The following MAD1L1 variants were observed in gnomAD, a reference collection of about 807,000 sequenced individuals.
MAD1L1 encodes the protein mitotic arrest deficient 1 like 1, also known as mitotic spindle assembly checkpoint protein MAD1.
In MAD1L1, 95 loss-of-function variants were observed where a neutral mutation model predicts 96.9. The observed-to-expected ratio is 0.98, with a 90% CI of 0.83 to 1.16. MAD1L1 has a LOEUF of 1.16. Among genes scored for constraint, MAD1L1 ranks in the 50% most tolerant of loss-of-function variants. The pLI, the probability that MAD1L1 is intolerant of heterozygous loss-of-function variation, is 0.00. For missense variants in MAD1L1, 1,007 were observed against 954.4 expected (o/e 1.06, Z -0.73); for synonymous variants, 473 against 396.6 (o/e 1.19, Z -2.29).
intron 12 of MAD1L1, among the ~76,000 whole-genome samples, chr7:2,016,065 T>C (rs1782526347): frequency 6.6e-6 from 1 of 152,160 alleles, no homozygotes; most frequent in Admixed American, 6.5e-5. Flanking sequence ...AGTTCCTTTG[T>C]TGATAAGATG....
intron 18 of MAD1L1, among the ~76,000 whole-genome samples, chr7:1,850,859 A>G (rs1783931317): frequency 6.6e-6 from 1 of 152,094 alleles, no homozygotes; most frequent in South Asian, 2.1e-4. Context: ...CCCTCCTGGG[A>G]TGGGGAGTGG....
chr7:1,937,544 C>T (rs1405939325), intron 16 of MAD1L1, among the ~76,000 whole-genome samples: 1 of 152,134 alleles, frequency 6.6e-6, no homozygotes, highest in Non-Finnish European at 1.5e-5. Flanking sequence ...ACCATGCAGC[C>T]CTGCAGCAGG....
intron 10 of MAD1L1, among the ~76,000 whole-genome samples, chr7:2,156,676 C>T (rs1257689511): frequency 6.6e-6 from 1 of 152,002 alleles, no homozygotes; most frequent in East Asian, 1.9e-4. Context: ...AAAAAATTAG[C>T]CGGGTGCAGT....
chr7:1,967,315 AAC>A (rs1780208566), intron 15 of MAD1L1, among the ~76,000 whole-genome samples: 1 of 152,238 alleles, frequency 6.6e-6, no homozygotes, highest in Non-Finnish European at 1.5e-5. Flanking sequence ...CAAGTAACTC[AAC>A]AGAAAGCAGG....
chr7:2,227,787 C>G (rs1349846321), intron 3 of MAD1L1, among the ~76,000 whole-genome samples: 1 of 152,222 alleles, frequency 6.6e-6, no homozygotes, highest in Non-Finnish European at 1.5e-5. Flanking sequence ...CAAGCCTGAG[C>G]CTCTCGAGAA....
At chr7:2,084,908 G>A (rs555548567) in intron 11 of MAD1L1, among the ~76,000 whole-genome samples, 3 of 152,134 alleles carry the variant, frequency 2.0e-5, no homozygotes, top group Non-Finnish European at 4.4e-5. Flanking sequence ...GCCACATGTG[G>A]GTAAAAGAGA....
chr7:2,063,434 C>A (rs1455918423), intron 12 of MAD1L1, among the ~76,000 whole-genome samples: 1 of 152,232 alleles, frequency 6.6e-6, no homozygotes, highest in Admixed American at 6.5e-5. Context: ...GGAGGAACAG[C>A]GGCCTTGTCT....
chr7:1,885,984 C>T (rs546289294), intron 18 of MAD1L1, among the ~76,000 whole-genome samples: 1 of 152,390 alleles, frequency 6.6e-6, no homozygotes, highest in East Asian at 1.9e-4. Context: ...TCTGCCTCCT[C>T]TCCTCCACCA....
intron 18 of MAD1L1, among the ~76,000 whole-genome samples, chr7:1,825,442 G>A (rs1168385039): frequency 6.6e-6 from 1 of 152,252 alleles, no homozygotes; most frequent in African/African-American, 2.4e-5. Flanking sequence ...CCAGCCAGCT[G>A]GTTGGGGTGG....
intron 10 of MAD1L1, among the ~76,000 whole-genome samples, chr7:2,182,652 C>T (rs757598563): frequency 2.0e-5 from 3 of 152,150 alleles, no homozygotes; most frequent in Non-Finnish European, 4.4e-5. Context: ...AGCGCTGATC[C>T]GTGCCACAGG....
chr7:2,230,241 G>T, intron 2 of MAD1L1, 98 bp from the exon 3 acceptor site: 1 of 855,132 alleles, frequency 1.2e-6, no homozygotes, highest in Non-Finnish European at 1.8e-6. Context: ...CTCCCCTAAC[G>T]CACATTGGAG....
intron 12 of MAD1L1, among the ~76,000 whole-genome samples, chr7:2,044,964 G>A (rs1364877303): frequency 6.6e-6 from 1 of 152,130 alleles, no homozygotes; most frequent in East Asian, 1.9e-4. Flanking sequence ...ACCATTCTCC[G>A]CACTTCACAG....
chr7:1,918,065 G>C (rs1158580319), intron 17 of MAD1L1, among the ~76,000 whole-genome samples: 3 of 152,280 alleles, frequency 2.0e-5, no homozygotes, highest in Admixed American at 2.0e-4. Context: ...CCACCTCGCA[G>C]ACCAGCACCT....
At chr7:1,861,387 C>T (rs1226937338) in intron 18 of MAD1L1, among the ~76,000 whole-genome samples, 1 of 152,228 alleles carries the variant, frequency 6.6e-6, no homozygotes, top group African/African-American at 2.4e-5. Flanking sequence ...CGCCTCTAAA[C>T]AGAAGCGTCA....
chr7:2,232,565 A>C (rs1794255936), intron 1 of MAD1L1, among the ~76,000 whole-genome samples: 1 of 152,064 alleles, frequency 6.6e-6, no homozygotes, highest in Non-Finnish European at 1.5e-5. Flanking sequence ...GACCACGAGC[A>C]CGCGCCCCTC....
intron 18 of MAD1L1, among the ~76,000 whole-genome samples, chr7:1,873,598 C>T (rs551745992): frequency 5.3e-5 from 8 of 151,968 alleles, no homozygotes; most frequent in Non-Finnish European, 7.4e-5. Context: ...GGGGGCTCTG[C>T]GGTGGATGGA....
At chr7:2,207,343 C>G (rs1405735853) in intron 10 of MAD1L1, among the ~76,000 whole-genome samples, 1 of 152,110 alleles carries the variant, frequency 6.6e-6, no homozygotes, top group Non-Finnish European at 1.5e-5. Context: ...GTTGGCAGCC[C>G]CCAGGCAGCT....
chr7:1,926,524 AG>A (rs59908053), intron 17 of MAD1L1, among the ~76,000 whole-genome samples: 12 of 152,020 alleles, frequency 7.9e-5, no homozygotes, highest in African/African-American at 2.7e-4. Context: ...GCCATAACCA[AG>A]GGGGGGGTTT....
intron 16 of MAD1L1, among the ~76,000 whole-genome samples, chr7:1,941,384 C>T (rs1373372803): frequency 1.3e-5 from 2 of 152,136 alleles, no homozygotes; most frequent in African/African-American, 4.8e-5. Flanking sequence ...GGAAACAATT[C>T]TGTATATTAG....
Sources: gnomAD v4.1 joint callset for allele counts (sites outside exome capture counted in the v4.1 genomes callset) on GRCh38, gnomAD v4.1.1 for gene constraint, MANE v1.5 for transcripts, NCBI Gene and HGNC (gene_info 2026-07-23, HGNC 2026-07-21) for gene names.